The following LRRTM4 variants were observed in gnomAD, a reference collection of about 807,000 sequenced individuals.
The protein encoded by LRRTM4 is leucine rich repeat transmembrane neuronal 4, also known as leucine-rich repeat transmembrane neuronal protein 4.
LRRTM4 carries 25 observed loss-of-function variants against 47.6 expected under a neutral mutation model. The ratio of observed to expected loss-of-function variants is 0.53; its 90% confidence interval spans 0.38 to 0.73. The LOEUF (loss-of-function observed/expected upper bound fraction) is 0.73. Among genes scored for constraint, LRRTM4 ranks in the 30% least tolerant of loss-of-function variants. LRRTM4 has a pLI of 0.00. For missense variants in LRRTM4, 638 were observed against 713.4 expected (o/e 0.89, Z 1.20); for synonymous variants, 311 against 269.5 (o/e 1.15, Z -1.51).
At chr2:77,506,379 T>C (rs1436775837) in intron 3 of LRRTM4, among the ~76,000 whole-genome samples, 1 of 151,728 alleles carries the variant, frequency 6.6e-6, no homozygotes, top group East Asian at 1.9e-4. Flanking sequence ...AAAGGCATTT[T>C]TAAAGTAAAA....
intron 3 of LRRTM4, among the ~76,000 whole-genome samples, chr2:77,104,524 C>T (rs181727078): frequency 3.9e-5 from 6 of 152,160 alleles, no homozygotes; most frequent in Non-Finnish European, 7.4e-5. Flanking sequence ...ACCTCCAACC[C>T]TCATACAAAA....
chr2:77,214,937 G>A (rs755727875), intron 3 of LRRTM4, among the ~76,000 whole-genome samples: 9 of 151,982 alleles, frequency 5.9e-5, no homozygotes, highest in South Asian at 2.1e-4. Flanking sequence ...TTTAGAGTCC[G>A]CCTTCTTTAG....
At chr2:76,768,294 A>AT (rs1209465948) in intron 3 of LRRTM4, among the ~76,000 whole-genome samples, 1 of 152,120 alleles carries the variant, frequency 6.6e-6, no homozygotes, top group African/African-American at 2.4e-5. Flanking sequence ...TCTTCTATCT[A>AT]TTTTTCACAA....
At chr2:77,334,830 TC>T (rs1388103356) in intron 3 of LRRTM4, among the ~76,000 whole-genome samples, 2 of 152,256 alleles carry the variant, frequency 1.3e-5, no homozygotes, top group Non-Finnish European at 2.9e-5. Flanking sequence ...TCTTTCACTT[TC>T]TTTTAGTTTT....
At chr2:77,308,471 T>G (rs971975980) in intron 3 of LRRTM4, among the ~76,000 whole-genome samples, 17 of 152,146 alleles carry the variant, frequency 1.1e-4, no homozygotes, top group African/African-American at 4.1e-4. Context: ...CCCTTTTAAT[T>G]TGAGGAATTT....
chr2:76,974,169 C>CATATAT (rs1198220920), intron 3 of LRRTM4, among the ~76,000 whole-genome samples: 2 of 118,458 alleles, frequency 1.7e-5, no homozygotes, highest in Non-Finnish European at 3.3e-5. Context: ...TATATATATA[C>CATATAT]ATACATATAT....
intron 3 of LRRTM4, among the ~76,000 whole-genome samples, chr2:76,936,602 G>C (rs896810459): frequency 7.2e-6 from 1 of 139,572 alleles, no homozygotes; most frequent in Non-Finnish European, 1.6e-5. Flanking sequence ...AAAAAAAAAA[G>C]AAAGAAAAAG....
chr2:77,034,328 CACA>C (rs1678764152), intron 3 of LRRTM4, among the ~76,000 whole-genome samples: 1 of 151,934 alleles, frequency 6.6e-6, no homozygotes, highest in East Asian at 1.9e-4. Flanking sequence ...TCAATTCAAT[CACA>C]ACTTCTTCCT....
chr2:76,783,467 A>G (rs1674505040), intron 3 of LRRTM4, among the ~76,000 whole-genome samples: 1 of 152,100 alleles, frequency 6.6e-6, no homozygotes, highest in Non-Finnish European at 1.5e-5. Context: ...TTGTTGTGCC[A>G]CATCATGACC....
chr2:77,142,224 A>G (rs962956822), intron 3 of LRRTM4, among the ~76,000 whole-genome samples: 2 of 152,184 alleles, frequency 1.3e-5, no homozygotes, highest in African/African-American at 4.8e-5. Context: ...AACATTTACA[A>G]CATCAAATTG....
intron 3 of LRRTM4, among the ~76,000 whole-genome samples, chr2:77,111,677 G>A (rs1188690686): frequency 7.9e-5 from 12 of 152,056 alleles, no homozygotes; most frequent in Admixed American, 4.6e-4. Context: ...TTGCTTAGTA[G>A]CTGTCTTATT....
At chr2:76,811,250 A>G (rs1221720243) in intron 3 of LRRTM4, among the ~76,000 whole-genome samples, 2 of 152,224 alleles carry the variant, frequency 1.3e-5, no homozygotes, top group East Asian at 3.9e-4. Flanking sequence ...TATGTTTTCA[A>G]GAGTGCATGA....
At chr2:77,064,509 G>A (rs1679890751) in intron 3 of LRRTM4, among the ~76,000 whole-genome samples, 1 of 152,132 alleles carries the variant, frequency 6.6e-6, no homozygotes, top group Admixed American at 6.5e-5. Context: ...ATGTACAAAT[G>A]CTTTTGAAAG....
chr2:77,069,073 G>T (rs1034020570), intron 3 of LRRTM4, among the ~76,000 whole-genome samples: 10 of 152,092 alleles, frequency 6.6e-5, no homozygotes, highest in Non-Finnish European at 8.8e-5. Flanking sequence ...CAATGCTAAT[G>T]ACTGGCTTGC....
intron 3 of LRRTM4, among the ~76,000 whole-genome samples, chr2:76,994,498 A>T (rs1196472927): frequency 2.0e-5 from 3 of 151,692 alleles, no homozygotes; most frequent in Non-Finnish European, 4.4e-5. Context: ...TGATGCCATG[A>T]GCAATAAAAT....
In LRRTM4 at chr2:76,951,621, T is replaced by A. The variant is rs1232282457; in HGVS notation, c.1552-202705A>T. On this transcript the variant is annotated intron_variant, in intron 3 of 3. Transcript: ENST00000409884. ...GCTCAAACCTTCAGATAATAGATAATTTTTTTCTTTTACTTTAACTTCTGG... is the reference window on the plus strand; with the variant it reads ...GCTCAAACCTTCAGATAATAGATAAATTTTTTCTTTTACTTTAACTTCTGG... 2.4e-4 allele frequency among the ~76,000 whole-genome samples: 36 copies of A among 152,096 alleles called. 1 individual carries two copies. In the East Asian group the frequency reaches 6.6e-3, roughly 28 times the overall value.
chr2:77,225,269 T>C (rs1211734932), intron 3 of LRRTM4, among the ~76,000 whole-genome samples: 2 of 149,782 alleles, frequency 1.3e-5, no homozygotes, highest in South Asian at 2.1e-4. Context: ...TGCTAAATGA[T>C]GAGTTAATGG....
chr2:76,992,804 C>A (rs1293000881), intron 3 of LRRTM4, among the ~76,000 whole-genome samples: 4 of 139,362 alleles, frequency 2.9e-5, no homozygotes, highest in Non-Finnish European at 3.1e-5. Flanking sequence ...AAAAATGAAC[C>A]AAGATAGCCA....
At chr2:77,256,107 T>G (rs1675757619) in intron 3 of LRRTM4, among the ~76,000 whole-genome samples, 1 of 152,048 alleles carries the variant, frequency 6.6e-6, no homozygotes, top group Non-Finnish European at 1.5e-5. Context: ...TTATAGTCTC[T>G]GTAAATATCA....
Sources: allele counts gnomAD v4.1 joint callset (sites outside exome capture counted in the v4.1 genomes callset), GRCh38; gene constraint gnomAD v4.1.1; transcripts MANE v1.5; gene names NCBI Gene and HGNC (gene_info 2026-07-23, HGNC 2026-07-21).